Variants in SLC35F4 observed in about 807,000 individuals in gnomAD.
The protein encoded by SLC35F4 is chromosome 14 open reading frame 36.
SLC35F4 carries 24 observed loss-of-function variants against 44.2 expected under a neutral mutation model. The observed-to-expected ratio is 0.54, with a 90% CI of 0.39 to 0.76. The LOEUF (loss-of-function observed/expected upper bound fraction) is 0.76. Among genes scored for constraint, SLC35F4 ranks in the 30% least tolerant of loss-of-function variants. The pLI is 0.00. For missense variants in SLC35F4, 562 were observed against 586.1 expected (o/e 0.96, Z 0.42); for synonymous variants, 238 against 223.6 (o/e 1.06, Z -0.57).
chr14:57,978,549 A>G (rs1287239898), intron 1 of SLC35F4, among the ~76,000 whole-genome samples: 2 of 152,206 alleles, frequency 1.3e-5, no homozygotes, highest in East Asian at 3.8e-4. Flanking sequence ...AATGGTATAC[A>G]TGGCTTGTTA....
intron 1 of SLC35F4, among the ~76,000 whole-genome samples, chr14:57,886,363 C>A (rs1233235523): frequency 6.6e-6 from 1 of 152,142 alleles, no homozygotes; most frequent in Non-Finnish European, 1.5e-5. Context: ...GGAGAAGAAT[C>A]TGCTTCCAAG....
chr14:57,922,358 C>A (rs1231792829), intron 1 of SLC35F4, among the ~76,000 whole-genome samples: 1 of 152,156 alleles, frequency 6.6e-6, no homozygotes, highest in African/African-American at 2.4e-5. Flanking sequence ...AAAGAAGACA[C>A]CATTAACCAA....
intron 3 of SLC35F4, among the ~76,000 whole-genome samples, chr14:57,582,463 A>C (rs1280936585): frequency 6.6e-6 from 1 of 152,112 alleles, no homozygotes; most frequent in Non-Finnish European, 1.5e-5. Context: ...TGGCCTCCCA[A>C]AGTGCTGAGA....
intron 1 of SLC35F4, among the ~76,000 whole-genome samples, chr14:57,798,763 T>C (rs1360336991): frequency 6.6e-6 from 1 of 152,210 alleles, no homozygotes; most frequent in Non-Finnish European, 1.5e-5. Context: ...TGCTTCTCTA[T>C]TGGAGCCAGC....
Position 57,817,139 on chromosome 14 carries a change from C to T in SLC35F4, c.103+48584G>A, listed in dbSNP as rs551601170. On this transcript the variant is annotated intron_variant, in intron 1 of 7. Transcript: ENST00000556826. The stretch of plus-strand genomic sequence containing the variant: ...AATGAGGTACAGATGACAGATGAAT[C>T]ACTAGTTTCTGCATTTGAACAGTAT... 1.2e-3 allele frequency among the ~76,000 whole-genome samples: 182 copies of T among 152,260 alleles called. No homozygotes were observed. The Middle Eastern group carries it at 0.024, about 20-fold the overall frequency.
intron 1 of SLC35F4, among the ~76,000 whole-genome samples, chr14:57,641,133 G>T (rs8016789): frequency 0.39 from 58,128 of 148,088 alleles, 12,605 homozygotes; most frequent in Non-Finnish European, 0.49. Context: ...AGAAAGCAAA[G>T]ATAATCATTT....
At chr14:57,658,675 C>T (rs1437002660) in intron 1 of SLC35F4, among the ~76,000 whole-genome samples, 9 of 152,144 alleles carry the variant, frequency 5.9e-5, no homozygotes, top group Non-Finnish European at 1.2e-4. Context: ...CCAGATATGG[C>T]TCTCGTTGCC....
chr14:57,973,190 A>G (rs1222208560), downstream of SLC35F4, among the ~76,000 whole-genome samples: 2 of 152,126 alleles, frequency 1.3e-5, no homozygotes, highest in Non-Finnish European at 2.9e-5. Context: ...TATTCTCATT[A>G]CCTGTTGTAT....
At chr14:57,824,025 G>T in intron 1 of SLC35F4, among the ~76,000 whole-genome samples, 1 of 151,972 alleles carries the variant, frequency 6.6e-6, no homozygotes, top group Non-Finnish European at 1.5e-5. Context: ...AGGAAGTAAA[G>T]AACAATATTC....
intron 5 of SLC35F4, among the ~76,000 whole-genome samples, chr14:57,570,919 G>T (rs775230922): frequency 6.6e-6 from 1 of 152,046 alleles, no homozygotes; most frequent in Non-Finnish European, 1.5e-5. Context: ...CAGACATCTT[G>T]GTGGATCTCA....
Position 57,865,778 on chromosome 14 carries a change from C to T in SLC35F4, c.48G>A (p.Arg16=), listed in dbSNP as rs1252554942. The T allele has an allele frequency of 6.6e-7, 1 of 1,524,154 alleles. No homozygotes were observed. Among genetic ancestry groups the T allele is most frequent in the Non-Finnish European group, 8.8e-7 (1 of 1,142,276 alleles). 94.4% of individuals were successfully genotyped at this position (1,524,154 alleles called of 1,614,324 possible). A position where few individuals can be genotyped will look rare whatever the true frequency, so the allele number is the denominator to read the frequency against. ...APNGVATIED[R]ILRITGYYGY... is the part of the protein sequence containing the mutation. ...CATAGTAGCCGGTGATCCGCAGGAT[C>T]CGGTCCTCGATAGTGGCCACCCCGT... Residue 16 remains arginine, a synonymous_variant, in exon 1 of 8, where the codon CGG becomes CGA. Coordinates refer to ENST00000556826, the MANE Select transcript of SLC35F4 (RefSeq NM_001306087.2).
chr14:57,632,777 C>A (rs557341351), intron 1 of SLC35F4, among the ~76,000 whole-genome samples: 4 of 152,026 alleles, frequency 2.6e-5, no homozygotes, highest in Non-Finnish European at 5.9e-5. Flanking sequence ...CTCACTGCAA[C>A]GTCCAACTAT....
At chr14:57,618,733 A>C (rs1228423216) in intron 1 of SLC35F4, among the ~76,000 whole-genome samples, 1 of 152,208 alleles carries the variant, frequency 6.6e-6, no homozygotes, top group African/African-American at 2.4e-5. Flanking sequence ...CAGGGAGCAA[A>C]GTGGTCTGCC....
chr14:57,704,458 A>G (rs1003598418), intron 1 of SLC35F4, among the ~76,000 whole-genome samples: 1 of 152,146 alleles, frequency 6.6e-6, no homozygotes, highest in Non-Finnish European at 1.5e-5. Context: ...AAAAATGTTC[A>G]TCGTTACAAA....
At chr14:57,739,700 C>T (rs2076557220) in intron 1 of SLC35F4, among the ~76,000 whole-genome samples, 1 of 152,172 alleles carries the variant, frequency 6.6e-6, no homozygotes, top group South Asian at 2.1e-4. Flanking sequence ...CAGGCCTGGG[C>T]TTGAAACCTG....
intron 1 of SLC35F4, among the ~76,000 whole-genome samples, chr14:57,909,573 CACAA>C (rs781123075): frequency 1.4e-5 from 2 of 139,308 alleles, no homozygotes; most frequent in South Asian, 4.5e-4. Context: ...CACACACACA[CACAA>C]ACACACAGAT....
chr14:57,576,462 C>T (rs903638278), intron 4 of SLC35F4, among the ~76,000 whole-genome samples: 3 of 152,148 alleles, frequency 2.0e-5, no homozygotes, highest in African/African-American at 4.8e-5. Context: ...AATAGTTTGA[C>T]GAATGAGAAA....
intron 1 of SLC35F4, among the ~76,000 whole-genome samples, chr14:57,915,075 G>A (rs941613921): frequency 5.9e-5 from 9 of 151,844 alleles, no homozygotes; most frequent in Admixed American, 1.3e-4. Context: ...ATGCTGCCAA[G>A]GCTTACTGCT....
intron 1 of SLC35F4, among the ~76,000 whole-genome samples, chr14:57,599,096 G>T (rs763910856): frequency 6.6e-6 from 1 of 152,168 alleles, no homozygotes; most frequent in Non-Finnish European, 1.5e-5. Context: ...AATTCCCACA[G>T]CTTTCTCTTC....
Sources: allele counts gnomAD v4.1 joint callset (sites outside exome capture counted in the v4.1 genomes callset), GRCh38; gene constraint gnomAD v4.1.1; transcripts MANE v1.5; gene names NCBI Gene and HGNC (gene_info 2026-07-23, HGNC 2026-07-21).